CDH18: variants seen among roughly 807,000 people sequenced by gnomAD.
The protein encoded by CDH18 is cadherin-18.
Under a neutral mutation model 67.9 loss-of-function variants are expected in CDH18, and 31 were observed. That is an observed-to-expected ratio of 0.46 (90% CI 0.34 to 0.62). The LOEUF is 0.62. CDH18 is among the 20% of genes least tolerant of loss of function. The probability of loss-of-function intolerance (pLI) is 0.01; values close to 1 mark genes in which losing one functional copy is unlikely to be tolerated. For missense variants in CDH18, 890 were observed against 975.5 expected, an observed-to-expected ratio of 0.91 and a Z score of 1.17; for synonymous variants, 362 against 347.2, an observed-to-expected ratio of 1.04 and a Z score of -0.48.
Position 20,416,916 on chromosome 5 carries a change from A to T in CDH18, c.-580+158546T>A, listed in dbSNP as rs570485427. Among the ~76,000 whole-genome samples the T allele has an allele frequency of 2.0e-5, 3 of 152,218 alleles. No individual in the cohort carries two copies. The East Asian group carries it at 5.8e-4, about 29-fold the overall frequency. The stretch of plus-strand genomic sequence containing the variant: ...AGGAGGGTAAAAAATAGATTGAATA[A>T]GATTTTTCAATAATGTGCCCATTAT... On this transcript the variant is annotated intron_variant, in intron 1 of 14. Transcript: ENST00000507958.
intron 1 of CDH18, among the ~76,000 whole-genome samples, chr5:20,481,963 A>G (rs1001147026): frequency 6.6e-6 from 1 of 152,014 alleles, no homozygotes; most frequent in African/African-American, 2.4e-5. Context: ...CAGAGAAGAA[A>G]TAAGTGAAAT....
intron 2 of CDH18, among the ~76,000 whole-genome samples, chr5:19,927,041 C>T (rs1793167667): frequency 6.6e-6 from 1 of 152,014 alleles, no homozygotes. Flanking sequence ...ATACTGTTGG[C>T]CTTGACAGTG....
intron 7 of CDH18, among the ~76,000 whole-genome samples, chr5:19,584,125 G>C (rs925079551): frequency 2.6e-5 from 4 of 152,136 alleles, no homozygotes; most frequent in African/African-American, 9.7e-5. Context: ...AGCTACAAGA[G>C]GTTTATGTCA....
chr5:20,541,408 A>T (rs1757041512), intron 1 of CDH18, among the ~76,000 whole-genome samples: 1 of 152,220 alleles, frequency 6.6e-6, no homozygotes, highest in Admixed American at 6.5e-5. Flanking sequence ...GCATAATGAC[A>T]AGATAAATGG....
At chr5:19,927,211 T>G (rs1172868846) in intron 2 of CDH18, among the ~76,000 whole-genome samples, 2 of 152,174 alleles carry the variant, frequency 1.3e-5, no homozygotes. Context: ...AACCTGCTCA[T>G]AAAGTGTTAG....
chr5:19,809,833 C>A (rs973519257), intron 3 of CDH18, among the ~76,000 whole-genome samples: 1 of 152,066 alleles, frequency 6.6e-6, no homozygotes, highest in Non-Finnish European at 1.5e-5. Flanking sequence ...CCACTAAGAA[C>A]CCCATTTTTT....
intron 2 of CDH18, among the ~76,000 whole-genome samples, chr5:20,225,541 C>G (rs1306739256): frequency 1.3e-5 from 2 of 152,062 alleles, no homozygotes; most frequent in Admixed American, 1.3e-4. Context: ...CATTCATAGG[C>G]TCACTACAGT....
intron 2 of CDH18, among the ~76,000 whole-genome samples, chr5:20,145,361 A>AAT (rs540323802): frequency 6.6e-6 from 1 of 152,186 alleles, no homozygotes; most frequent in Admixed American, 6.6e-5. Context: ...TATTATAATA[A>AAT]ATATGTTTTG....
At chr5:19,937,131 TA>T (rs1794363331) in intron 2 of CDH18, among the ~76,000 whole-genome samples, 1 of 151,436 alleles carries the variant, frequency 6.6e-6, no homozygotes, top group Non-Finnish European at 1.5e-5. Flanking sequence ...AAAATTATTA[TA>T]TCCTTCATGT....
At chr5:20,127,064 AT>A (rs1748894452) in intron 2 of CDH18, among the ~76,000 whole-genome samples, 1 of 152,186 alleles carries the variant, frequency 6.6e-6, no homozygotes, top group African/African-American at 2.4e-5. Context: ...CAAATCTCAC[AT>A]AGAATTGCAA....
intron 1 of CDH18, among the ~76,000 whole-genome samples, chr5:20,429,530 T>G (rs1397479539): frequency 6.6e-6 from 1 of 152,168 alleles, no homozygotes; most frequent in Non-Finnish European, 1.5e-5. Context: ...GAATAAGTGT[T>G]TTGTCATACT....
intron 1 of CDH18, among the ~76,000 whole-genome samples, chr5:20,400,786 CAAATA>C (rs901514463): frequency 6.6e-5 from 10 of 152,108 alleles, no homozygotes; most frequent in East Asian, 5.8e-4. Context: ...AGTAATCAAA[CAAATA>C]AAATAAGTAA....
intron 2 of CDH18, among the ~76,000 whole-genome samples, chr5:20,079,656 C>A (rs1230307558): frequency 6.6e-6 from 1 of 152,088 alleles, no homozygotes; most frequent in Non-Finnish European, 1.5e-5. Context: ...ACAATACTAC[C>A]TTTTCTCCAC....
At chr5:19,800,531 T>C (rs186853125) in intron 3 of CDH18, among the ~76,000 whole-genome samples, 1 of 152,252 alleles carries the variant, frequency 6.6e-6, no homozygotes, top group Admixed American at 6.5e-5. Context: ...GGAAAGTAAT[T>C]GTAACCTATT....
chr5:19,507,982 G>A (rs905736985), intron 10 of CDH18, among the ~76,000 whole-genome samples: 1 of 151,188 alleles, frequency 6.6e-6, no homozygotes, highest in South Asian at 2.1e-4. Context: ...GTTTAACAAT[G>A]TCCCAATCAT....
intron 2 of CDH18, among the ~76,000 whole-genome samples, chr5:19,904,251 G>A (rs1790275421): frequency 6.6e-6 from 1 of 151,022 alleles, no homozygotes; most frequent in Non-Finnish European, 1.5e-5. Context: ...TCCAGCCTGG[G>A]CGACAGTTAG....
intron 2 of CDH18, among the ~76,000 whole-genome samples, chr5:19,885,748 A>G (rs1480429214): frequency 6.6e-6 from 1 of 152,196 alleles, no homozygotes; most frequent in Non-Finnish European, 1.5e-5. Context: ...GCAAAAATGT[A>G]AAACAATGCA....
intron 2 of CDH18, among the ~76,000 whole-genome samples, chr5:19,858,454 A>G (rs917514325): frequency 6.6e-6 from 1 of 152,184 alleles, no homozygotes; most frequent in Non-Finnish European, 1.5e-5. Context: ...TAAATAATAA[A>G]TCAAGTTGTG....
rs1743037716 is a variant in CDH18, at chr5:20,242,614, ATATATATATATATATATATG to A, written c.-518+12810_-518+12829del. 2.9e-5 allele frequency among the ~76,000 whole-genome samples: 3 copies of A among 103,694 alleles called. 1 individual carries two copies. The highest frequency in any genetic ancestry group is 1.5e-4 in the African/African-American group (3 of 20,340). 68.0% of individuals were successfully genotyped at this position (103,694 alleles called of 152,430 possible). A position where few individuals can be genotyped will look rare whatever the true frequency, so the allele number is the denominator to read the frequency against. The stretch of plus-strand genomic sequence containing the variant: ...ATTGAGGGAAAAAAAAAAAAAAAAT[ATATATATATATATATATATG>A]TATATATATATATATATGTAAATGG... On this transcript the variant is annotated intron_variant, in intron 2 of 14. Coordinates refer to the CDH18 transcript ENST00000507958.
Sources: allele counts gnomAD v4.1 joint callset (sites outside exome capture counted in the v4.1 genomes callset), GRCh38; gene constraint gnomAD v4.1.1; transcripts MANE v1.5; gene names NCBI Gene and HGNC (gene_info 2026-07-23, HGNC 2026-07-21).